The following PGRMC2 variants were observed in gnomAD, a reference collection of about 807,000 sequenced individuals.
PGRMC2 encodes progesterone receptor membrane component 2.
In PGRMC2, 9 loss-of-function variants were observed where a neutral mutation model predicts 19.3. The ratio of observed to expected loss-of-function variants is 0.47; its 90% CI spans 0.28 to 0.81. The LOEUF is 0.81. PGRMC2 is among the 40% of genes least tolerant of loss of function. The pLI, the probability that PGRMC2 is intolerant of heterozygous loss-of-function variation, is 0.11. For synonymous variants in PGRMC2, 157 were observed against 124.6 expected (o/e 1.26, Z -1.73); for missense variants, 289 against 297.3 (o/e 0.97, Z 0.21).
intron 1 of PGRMC2, among the ~76,000 whole-genome samples, chr4:128,280,353 G>GTAAA: frequency 8.3e-6 from 1 of 120,554 alleles, no homozygotes; most frequent in African/African-American, 3.5e-5. Flanking sequence ...AATTTTCTGG[G>GTAAA]AAAAAAAAAA....
intron 1 of PGRMC2, among the ~76,000 whole-genome samples, chr4:128,282,926 T>C (rs962804355): frequency 6.6e-5 from 10 of 152,364 alleles, no homozygotes; most frequent in African/African-American, 1.9e-4. Flanking sequence ...GGGTTCTTCT[T>C]ACGTGACTTT....
At chr4:128,274,760 CA>C (rs1466581001) in intron 1 of PGRMC2, among the ~76,000 whole-genome samples, 1 of 151,700 alleles carries the variant, frequency 6.6e-6, no homozygotes, top group Non-Finnish European at 1.5e-5. Context: ...CTTAAAAAAG[CA>C]AAAAGTGAAA....
intron 1 of PGRMC2, among the ~76,000 whole-genome samples, chr4:128,274,515 GAAA>G (rs34809072): frequency 9.5e-5 from 5 of 52,900 alleles, no homozygotes; most frequent in South Asian, 6.6e-4. Flanking sequence ...CTTCTCCAAA[GAAA>G]AAAAAAAAAA....
Position 128,270,459 on chromosome 4 carries a change from T to C in PGRMC2, c.*857A>G, listed in dbSNP as rs1760710121. 6.6e-6 allele frequency: 1 copy of C among 152,658 alleles called. No homozygotes were observed. Among genetic ancestry groups the C allele is most frequent in the African/African-American group, 2.4e-5 (1 of 41,468 alleles). The allele number at this position is 152,658 out of a possible 1,614,324, so 9.5% of individuals were successfully genotyped here. A position where few individuals can be genotyped will look rare whatever the true frequency, so the allele number is the denominator to read the frequency against. ...ACTGTAATATTCCTTTTACATTCTA[T>C]ATACACAGAATGATATCAAGGTTTT... On this transcript the variant is annotated 3_prime_UTR_variant, in exon 3 of 3. Transcript: ENST00000296425.
intron 1 of PGRMC2, among the ~76,000 whole-genome samples, chr4:128,274,828 T>C (rs1295314468): frequency 1.3e-5 from 2 of 152,004 alleles, no homozygotes; most frequent in Non-Finnish European, 2.9e-5. Context: ...AATGGAAAAT[T>C]ATAGGTTCAA....
rs775794382 is a variant in PGRMC2, at chr4:128,272,460, CA to C, written c.475del (p.Cys159AlafsTer2). The C allele has an allele frequency of 6.3e-7, 1 of 1,585,016 alleles. No individual in the cohort carries two copies. The highest frequency in any genetic ancestry group is 8.6e-7 in the Non-Finnish European group (1 of 1,166,880). On this transcript the variant is annotated frameshift_variant, in exon 2 of 3. Transcript: ENST00000296425. LOFTEE classifies it high-confidence loss of function. ...ATCTCTAAGTGCATCTTTATCTAGG[CA>C]AAATGTGGCCAGTCCTCTGGAGGCA... ...RDASRGLATF[C>X]LDKDALRDEY...
intron 1 of PGRMC2, among the ~76,000 whole-genome samples, chr4:128,279,411 C>A (rs966555936): frequency 1.3e-5 from 2 of 152,200 alleles, no homozygotes; most frequent in East Asian, 3.9e-4. Flanking sequence ...ACGTTTTTGG[C>A]AAGAAGTGAG....
chr4:128,281,712 T>C (rs533053442), intron 1 of PGRMC2, among the ~76,000 whole-genome samples: 74 of 152,226 alleles, frequency 4.9e-4, no homozygotes, highest in Admixed American at 1.7e-3. Flanking sequence ...ACAACACAGA[T>C]TGACTAAAAG....
intron 1 of PGRMC2, among the ~76,000 whole-genome samples, chr4:128,285,943 T>C (rs1760976148): frequency 6.6e-6 from 1 of 151,858 alleles, no homozygotes; most frequent in African/African-American, 2.4e-5. Flanking sequence ...TGTGTATATA[T>C]ACACAGAAGT....
At chr4:128,275,316 G>A (rs1359054395) in intron 1 of PGRMC2, among the ~76,000 whole-genome samples, 3 of 152,078 alleles carry the variant, frequency 2.0e-5, no homozygotes, top group Non-Finnish European at 4.4e-5. Context: ...TATAAAAACA[G>A]CAATCAGAAA....
At chr4:128,285,285 T>C (rs769237482) in intron 1 of PGRMC2, among the ~76,000 whole-genome samples, 4 of 151,944 alleles carry the variant, frequency 2.6e-5, no homozygotes, top group African/African-American at 4.8e-5. Flanking sequence ...CGCCACCACG[T>C]CTAGCTGATT....
chr4:128,271,485 C>CATTT, intron 2 of PGRMC2, 72 bp from the exon 3 acceptor site: 1 of 723,522 alleles, frequency 1.4e-6, no homozygotes, highest in Non-Finnish European at 2.4e-6. Context: ...AGAGAAAAGG[C>CATTT]ATTTGTCTGT....
chr4:128,269,457 A>G lies in PGRMC2; in HGVS notation c.*1859T>C, dbSNP rs930447796. 3 of 152,180 alleles carry G rather than the reference A, an allele frequency of 2.0e-5. No homozygotes were observed. Among genetic ancestry groups the G allele is most frequent in the East Asian group, 1.9e-4 (1 of 5,194 alleles). The allele number at this position is 152,180 out of a possible 1,614,324, so 9.4% of individuals were successfully genotyped here. ...ACTTTTAACATTTTTTGTTTAGAAA[A>G]TATTTTACATAAAAACACAAAGCAT... is the stretch of plus-strand genomic sequence containing the variant. On this transcript the variant is annotated 3_prime_UTR_variant, in exon 3 of 3. Coordinates refer to ENST00000296425, the MANE Select transcript of PGRMC2 (RefSeq NM_006320.6).
At position 128,287,725 on chromosome 4, in the gene PGRMC2, G is replaced by T; in HGVS notation, c.66C>A (p.Asp22Glu). ...CGTCGCCTGGACTCTCGCTGCCGCC[G>T]TCGTTGCTGCTCTCGCTGCCACTCC... Reference protein sequence around the residue: ...TLGSGSESSNDGGSESPGDAG... With the variant: ...TLGSGSESSNEGGSESPGDAG... Residue 22 changes from aspartate to glutamate, a missense_variant, in exon 1 of 3, where the codon GAC becomes GAA. Coordinates refer to ENST00000296425, the MANE Select transcript of PGRMC2 (RefSeq NM_006320.6). 2 of 1,491,868 alleles carry T rather than the reference G, an allele frequency of 1.3e-6. No individual in the cohort carries two copies. The highest frequency in any genetic ancestry group is 1.9e-5 in the Admixed American group (1 of 52,388). The allele number at this position is 1,491,868 out of a possible 1,614,324, so 92.4% of individuals were successfully genotyped here. A position where few individuals can be genotyped will look rare whatever the true frequency, so the allele number is the denominator to read the frequency against.
At position 128,269,333 on chromosome 4, in the gene PGRMC2, A is replaced by C. The variant is rs955383706; in HGVS notation, c.*1983T>G. On this transcript the variant is annotated 3_prime_UTR_variant, in exon 3 of 3. Transcript: ENST00000296425. ...CAGACCGCATAATTTTTTCTGCATG[A>C]ATATTTAGGGTTTCTCTATTCACAA... 2 of 152,150 alleles carry C rather than the reference A, an allele frequency of 1.3e-5. No individual in the cohort carries two copies. Among genetic ancestry groups the C allele is most frequent in the African/African-American group, 4.8e-5 (2 of 41,440 alleles). 9.4% of individuals were successfully genotyped at this position (152,150 alleles called of 1,614,324 possible). A position where few individuals can be genotyped will look rare whatever the true frequency, so the allele number is the denominator to read the frequency against.
chr4:128,286,183 G>A (rs1042163731), intron 1 of PGRMC2, among the ~76,000 whole-genome samples: 3 of 151,720 alleles, frequency 2.0e-5, no homozygotes, highest in Admixed American at 1.3e-4. Context: ...TGACTTTAAG[G>A]CTTGGAGGTA....
chr4:128,278,526 G>A (rs1322710304), intron 1 of PGRMC2, among the ~76,000 whole-genome samples: 1 of 151,694 alleles, frequency 6.6e-6, no homozygotes, highest in African/African-American at 2.4e-5. Flanking sequence ...GAGCCGAGAT[G>A]GCGCCACTGC....
intron 1 of PGRMC2, among the ~76,000 whole-genome samples, chr4:128,278,092 A>C (rs749274492): frequency 5.9e-5 from 9 of 152,192 alleles, no homozygotes; most frequent in Non-Finnish European, 1.0e-4. Flanking sequence ...GGGGTAAAGA[A>C]AAGACAGAAA....
At chr4:128,272,825 G>A in intron 1 of PGRMC2, 1 of 206,224 alleles carries the variant, frequency 4.8e-6, no homozygotes. Flanking sequence ...TGAGGGAGAA[G>A]AAGAAACTTA....
Sources: gnomAD v4.1 joint callset for allele counts (sites outside exome capture counted in the v4.1 genomes callset) on GRCh38, gnomAD v4.1.1 for gene constraint, MANE v1.5 for transcripts, NCBI Gene and HGNC (gene_info 2026-07-23, HGNC 2026-07-21) for gene names.